The following KCNIP4 variants were observed in gnomAD, a reference collection of about 807,000 sequenced individuals.
KCNIP4 encodes Kv channel-interacting protein 4.
A neutral mutation model predicts 34.0 loss-of-function variants in KCNIP4; 12 were observed. That is an observed-to-expected ratio of 0.35 (90% CI 0.23 to 0.57). The LOEUF (loss-of-function observed/expected upper bound fraction) is 0.57, where lower values mean the gene tolerates loss of function less well. Ranked by LOEUF, KCNIP4 falls within the 20% of genes least tolerant of loss-of-function variation. The pLI is 0.83. For missense variants in KCNIP4, 238 were observed against 311.7 expected (o/e 0.76, Z 1.78); for synonymous variants, 124 against 102.2 (o/e 1.21, Z -1.29).
At chr4:21,435,526 T>C (rs1269784821) in intron 1 of KCNIP4, among the ~76,000 whole-genome samples, 1 of 152,174 alleles carries the variant, frequency 6.6e-6, no homozygotes, top group Non-Finnish European at 1.5e-5. Flanking sequence ...ATTAAAATGA[T>C]TAACAATATC....
chr4:21,553,918 T>C (rs539275286), intron 1 of KCNIP4, among the ~76,000 whole-genome samples: 2 of 152,122 alleles, frequency 1.3e-5, no homozygotes, highest in Non-Finnish European at 2.9e-5. Flanking sequence ...TTTTTCCAAA[T>C]CACCTTCACA....
intron 1 of KCNIP4, among the ~76,000 whole-genome samples, chr4:21,346,227 C>A (rs1221849143): frequency 6.1e-4 from 50 of 81,504 alleles, no homozygotes; most frequent in Admixed American, 8.3e-4. Flanking sequence ...ATATATAATT[C>A]TATATATATA....
rs1396051525 is a variant in KCNIP4 at position 21,226,993 on chromosome 4, T to C, written c.62-344284A>G. Among the ~76,000 whole-genome samples the C allele has an allele frequency of 5.3e-5, 8 of 152,146 alleles. No homozygotes were observed. In the East Asian group the frequency reaches 1.5e-3, roughly 29 times the overall value. On this transcript the variant is annotated intron_variant, in intron 1 of 8. Transcript: ENST00000382152. ...AAATACAGCCTAGATTCCTTGCAAA[T>C]TGTCAGTTTGGCAACAAACGGTGGT...
At chr4:21,747,714 A>C (rs965857626) in intron 1 of KCNIP4, among the ~76,000 whole-genome samples, 3 of 152,102 alleles carry the variant, frequency 2.0e-5, no homozygotes, top group Non-Finnish European at 4.4e-5. Context: ...CTAGACTAGA[A>C]AGGAGAAACA....
chr4:21,923,948 T>C (rs1396197494), intron 1 of KCNIP4, among the ~76,000 whole-genome samples: 1 of 152,186 alleles, frequency 6.6e-6, no homozygotes. Flanking sequence ...GCATTTTACC[T>C]GCATGAACAT....
chr4:21,836,310 A>G (rs1409300016), intron 1 of KCNIP4, among the ~76,000 whole-genome samples: 3 of 152,160 alleles, frequency 2.0e-5, no homozygotes, highest in African/African-American at 4.8e-5. Flanking sequence ...GGAAAACTCA[A>G]TTATTGTACA....
rs1724287726 is a variant in KCNIP4, at chr4:20,878,313, A to T, written c.163+4295T>A. 2.6e-5 allele frequency among the ~76,000 whole-genome samples: 4 copies of T among 152,218 alleles called. No homozygotes were observed. The South Asian group carries it at 8.3e-4, about 32-fold the overall frequency. Reference sequence around the variant, plus strand: ...GACAATCCATTTTCTGATAATCGTAATCTTTTTTGTCTCCAATAAACCATG... The same window carrying T: ...GACAATCCATTTTCTGATAATCGTATTCTTTTTTGTCTCCAATAAACCATG... On this transcript the variant is annotated intron_variant, in intron 2 of 8. Transcript: ENST00000382152.
At chr4:21,071,099 G>A (rs895611131) in intron 1 of KCNIP4, among the ~76,000 whole-genome samples, 8 of 152,054 alleles carry the variant, frequency 5.3e-5, no homozygotes, top group African/African-American at 1.4e-4. Context: ...AAAGAGCAAA[G>A]GTTGTTTAAT....
At chr4:21,040,761 G>T (rs184724091) in intron 1 of KCNIP4, among the ~76,000 whole-genome samples, 9 of 151,892 alleles carry the variant, frequency 5.9e-5, no homozygotes, top group African/African-American at 2.2e-4. Flanking sequence ...GGGATCCCAG[G>T]CACCCAAAAC....
chr4:20,882,068 A>T (rs976399678), intron 2 of KCNIP4, among the ~76,000 whole-genome samples: 1 of 152,224 alleles, frequency 6.6e-6, no homozygotes, highest in Non-Finnish European at 1.5e-5. Flanking sequence ...GTATATGCTT[A>T]TGTGTATGCA....
intron 1 of KCNIP4, among the ~76,000 whole-genome samples, chr4:21,509,632 G>T (rs1483499458): frequency 4.6e-5 from 7 of 152,068 alleles, no homozygotes; most frequent in Admixed American, 4.6e-4. Flanking sequence ...ACCCTCCTCA[G>T]CCACTCCTCA....
chr4:21,261,563 G>T (rs959690012), intron 1 of KCNIP4, among the ~76,000 whole-genome samples: 20 of 152,114 alleles, frequency 1.3e-4, no homozygotes, highest in African/African-American at 4.6e-4. Flanking sequence ...ATTAACCTTA[G>T]CATTATCCCA....
At chr4:20,743,256 T>C (rs1324352410) in intron 5 of KCNIP4, among the ~76,000 whole-genome samples, 1 of 152,014 alleles carries the variant, frequency 6.6e-6, no homozygotes, top group Non-Finnish European at 1.5e-5. Context: ...CTTCACAAAA[T>C]TGGAAAAAAC....
chr4:21,912,293 C>T (rs983949540), intron 1 of KCNIP4, among the ~76,000 whole-genome samples: 1 of 152,120 alleles, frequency 6.6e-6, no homozygotes, highest in Non-Finnish European at 1.5e-5. Context: ...AATGGAGAAT[C>T]TGACTGATGT....
chr4:20,909,604 T>G (rs1468052631), intron 1 of KCNIP4, among the ~76,000 whole-genome samples: 2 of 152,222 alleles, frequency 1.3e-5, no homozygotes, highest in Admixed American at 1.3e-4. Context: ...TTCTGCTGTT[T>G]GGGACACATT....
At chr4:20,942,169 G>A (rs183509637) in intron 1 of KCNIP4, among the ~76,000 whole-genome samples, 1 of 152,166 alleles carries the variant, frequency 6.6e-6, no homozygotes, top group Non-Finnish European at 1.5e-5. Flanking sequence ...TTTGGCTGGG[G>A]TTCCCTCAAT....
intron 1 of KCNIP4, among the ~76,000 whole-genome samples, chr4:21,203,068 G>C (rs554876767): frequency 6.6e-6 from 1 of 152,308 alleles, no homozygotes; most frequent in Admixed American, 6.5e-5. Flanking sequence ...AGCTGTAACC[G>C]TGCACACTTT....
intron 1 of KCNIP4, among the ~76,000 whole-genome samples, chr4:21,585,639 A>G (rs1206377799): frequency 6.6e-6 from 1 of 152,034 alleles, no homozygotes; most frequent in Non-Finnish European, 1.5e-5. Flanking sequence ...ATCAATACCC[A>G]TATATTACAG....
chr4:21,249,765 G>C (rs935605535), intron 1 of KCNIP4, among the ~76,000 whole-genome samples: 3 of 152,086 alleles, frequency 2.0e-5, no homozygotes, highest in African/African-American at 7.2e-5. Flanking sequence ...CTTCAAATCA[G>C]CATGGTGCTC....
Sources: allele counts gnomAD v4.1 joint callset (sites outside exome capture counted in the v4.1 genomes callset), GRCh38; gene constraint gnomAD v4.1.1; transcripts MANE v1.5; gene names NCBI Gene and HGNC (gene_info 2026-07-23, HGNC 2026-07-21).